The following HTRA4 variants were observed in gnomAD, a reference collection of about 807,000 sequenced individuals.
HTRA4 encodes serine protease HTRA4.
In HTRA4, 46 loss-of-function variants were observed where a neutral mutation model predicts 49.1. That is an observed-to-expected ratio of 0.94 (90% CI 0.74 to 1.20). The LOEUF (loss-of-function observed/expected upper bound fraction) is 1.20, where lower values mean the gene tolerates loss of function less well. HTRA4 is among the 50% of genes most tolerant of loss of function. HTRA4 has a pLI of 0.00. For missense variants in HTRA4, 602 were observed against 636.9 expected (o/e 0.95, Z 0.59); for synonymous variants, 261 against 264.0 (o/e 0.99, Z 0.11).
rs1312246823 is a variant in HTRA4 at position 38,974,512 on chromosome 8, G to T, written c.249G>T (p.Ala83=). Residue 83 remains alanine, a synonymous_variant, in exon 1 of 9, where the codon GCG becomes GCT. Coordinates refer to ENST00000302495, the MANE Select transcript of HTRA4 (RefSeq NM_153692.4). ...PAAEREVCGG[A]QGQPCAPGLQ... The stretch of plus-strand genomic sequence containing the variant: ...CCGAGCGTGAAGTCTGCGGCGGGGC[G>T]CAGGGCCAACCGTGCGCCCCGGGGC... The T allele has an allele frequency of 2.0e-5, 29 of 1,471,444 alleles. No homozygotes were observed. Among genetic ancestry groups the T allele is most frequent in the African/African-American group, 3.0e-5 (2 of 67,646 alleles). 91.1% of individuals were successfully genotyped at this position (1,471,444 alleles called of 1,614,324 possible).
chr8:38,978,689 C>T (rs1835382929), intron 4 of HTRA4, among the ~76,000 whole-genome samples: 2 of 152,104 alleles, frequency 1.3e-5, no homozygotes, highest in South Asian at 2.1e-4. Flanking sequence ...GAGGTCACCC[C>T]TCCTGTAAGA....
intron 5 of HTRA4, among the ~76,000 whole-genome samples, chr8:38,980,990 C>T (rs1198169997): frequency 6.7e-6 from 1 of 150,124 alleles, no homozygotes; most frequent in African/African-American, 2.5e-5. Flanking sequence ...TGTCCTTCTA[C>T]CTTTGTCAAA....
chr8:38,987,847 C>A, intron 8 of HTRA4, 89 bp from the exon 9 acceptor site: 1 of 1,152,634 alleles, frequency 8.7e-7, no homozygotes, highest in Non-Finnish European at 1.2e-6. Context: ...AAAATAGTGC[C>A]ATTAAGACAG....
intron 8 of HTRA4, among the ~76,000 whole-genome samples, 158 bp downstream of exon 8, chr8:38,983,206 G>A (rs1414258786): frequency 3.3e-5 from 5 of 152,192 alleles, no homozygotes; most frequent in Non-Finnish European, 7.3e-5. Context: ...GTGTGACTGA[G>A]GAACTGAATT....
chr8:38,977,397 A>G (rs1835366216), intron 3 of HTRA4, among the ~76,000 whole-genome samples: 1 of 152,076 alleles, frequency 6.6e-6, no homozygotes, highest in African/African-American at 2.4e-5. Flanking sequence ...TCCTTCCTAC[A>G]CATAGTACTG....
chr8:38,977,399 A>G (rs1180764823), intron 3 of HTRA4, among the ~76,000 whole-genome samples: 1 of 152,024 alleles, frequency 6.6e-6, no homozygotes, highest in Non-Finnish European at 1.5e-5. Context: ...CTTCCTACAC[A>G]TAGTACTGGT....
At chr8:38,986,385 C>T (rs556220678) in intron 8 of HTRA4, among the ~76,000 whole-genome samples, 63 of 152,214 alleles carry the variant, frequency 4.1e-4, no homozygotes, top group Non-Finnish European at 6.3e-4. Flanking sequence ...TGGGTTCAAG[C>T]GATTCTTCTG....
rs575744861 is a variant in HTRA4, at chr8:38,979,277, G to T, written c.999+30G>T. 4 of 1,601,072 alleles carry T rather than the reference G, an allele frequency of 2.5e-6. No individual in the cohort carries two copies. In the South Asian group the frequency reaches 4.4e-5, roughly 18 times the overall value. On this transcript the variant is annotated intron_variant, in intron 5 of 8. Coordinates refer to ENST00000302495, the MANE Select transcript of HTRA4 (RefSeq NM_153692.4). The stretch of plus-strand genomic sequence containing the variant: ...GTGATCACTTTCCTTGTTGCTTCAT[G>T]TTTCTTCTTAACTTTCAAAGACTTT...
chr8:38,980,741 A>G (rs544059473), intron 5 of HTRA4, among the ~76,000 whole-genome samples: 91 of 120,936 alleles, frequency 7.5e-4, no homozygotes, highest in African/African-American at 2.5e-3. Flanking sequence ...CCGTCTCAAA[A>G]AGAAAAGAAA....
intron 8 of HTRA4, among the ~76,000 whole-genome samples, chr8:38,986,300 GA>G (rs1286474661): frequency 2.0e-5 from 3 of 151,898 alleles, no homozygotes; most frequent in African/African-American, 4.8e-5. Flanking sequence ...TTATTTTTTT[GA>G]GACTGAGTTT....
intron 5 of HTRA4, among the ~76,000 whole-genome samples, chr8:38,981,063 GTTTTTTTTTTTTTTTTTTTT>G (rs71216700): frequency 1.2e-4 from 6 of 48,144 alleles, no homozygotes; most frequent in Non-Finnish European, 2.1e-4. Flanking sequence ...ATGAGCTTAA[GTTTTTTTTTTTTTTTTTTTT>G]TTTTTTTTTT....
At chr8:38,981,606 T>G in intron 5 of HTRA4, 47 bp from the exon 6 acceptor site, 1 of 1,339,074 alleles carries the variant, frequency 7.5e-7, no homozygotes, top group Non-Finnish European at 1.1e-6. Flanking sequence ...CTTGCACTCA[T>G]CAGTTTGCAA....
rs201852081 is a variant in HTRA4 at position 38,984,673 on chromosome 8, T to C, written c.1268+1625T>C. On this transcript the variant is annotated intron_variant, in intron 8 of 8. Coordinates refer to ENST00000302495, the MANE Select transcript of HTRA4 (RefSeq NM_153692.4). ...CTGAGGTCAGAGAATCGCTTGAACCTGGGCAGCAGAGGTTGCAGTGAGCTG... is the reference window on the plus strand; with the variant it reads ...CTGAGGTCAGAGAATCGCTTGAACCCGGGCAGCAGAGGTTGCAGTGAGCTG... 3.9e-5 allele frequency among the ~76,000 whole-genome samples: 6 copies of C among 152,142 alleles called. No individual in the cohort carries two copies. The East Asian group carries it at 1.2e-3, about 29-fold the overall frequency.
rs1216373399 is a variant in HTRA4, at chr8:38,981,067, T to TTTTTTG, written c.1000-581_1000-580insGTTTTT. 3.3e-3 allele frequency among the ~76,000 whole-genome samples: 137 copies of TTTTTTG among 41,586 alleles called. 7 individuals are homozygous for TTTTTTG. In the East Asian group the frequency reaches 0.035, roughly 11 times the overall value. 27.3% of individuals were successfully genotyped at this position (41,586 alleles called of 152,430 possible). A position where few individuals can be genotyped will look rare whatever the true frequency, so the allele number is the denominator to read the frequency against. Reference sequence around the variant, plus strand: ...AAAGGAAAAAAATGAGCTTAAGTTTTTTTTTTTTTTTTTTTTTTTTTTTTT... The same window carrying TTTTTTG: ...AAAGGAAAAAAATGAGCTTAAGTTTTTTTTTGTTTTTTTTTTTTTTTTTTTTTTTTT... On this transcript the variant is annotated intron_variant, in intron 5 of 8. Coordinates refer to ENST00000302495, the MANE Select transcript of HTRA4 (RefSeq NM_153692.4).
intron 5 of HTRA4, 100 bp downstream of exon 5, chr8:38,979,347 C>A: frequency 9.2e-7 from 1 of 1,087,470 alleles, no homozygotes; most frequent in Non-Finnish European, 1.4e-6. Context: ...GTAATCCCAG[C>A]ACATTTGGGA....
chr8:38,979,119 C>T (rs1588292088), intron 4 of HTRA4, 96 bp from the exon 5 acceptor site: 3 of 1,150,484 alleles, frequency 2.6e-6, no homozygotes, highest in East Asian at 4.7e-5. Context: ...GCTTGGTGGG[C>T]TGCTTTTGGT....
chr8:38,979,086 T>C, intron 4 of HTRA4, 129 bp from the exon 5 acceptor site: 1 of 802,666 alleles, frequency 1.2e-6, no homozygotes, highest in Non-Finnish European at 2.2e-6. Flanking sequence ...GGGCACAATT[T>C]TGCCGGCCTG....
chr8:38,976,462 C>T, intron 2 of HTRA4, 73 bp from the exon 3 acceptor site: 1 of 1,376,784 alleles, frequency 7.3e-7, no homozygotes, highest in Non-Finnish European at 1.0e-6. Context: ...GTGAGGTTCC[C>T]ATGACTCAGA....
At chr8:38,985,193 G>A (rs1485722698) in intron 8 of HTRA4, among the ~76,000 whole-genome samples, 9 of 133,492 alleles carry the variant, frequency 6.7e-5, no homozygotes, top group African/African-American at 2.2e-4. Context: ...ACGGAGTCTC[G>A]CTCTGTCACC....
Sources: allele counts gnomAD v4.1 joint callset (sites outside exome capture counted in the v4.1 genomes callset), GRCh38; gene constraint gnomAD v4.1.1; transcripts MANE v1.5; gene names NCBI Gene and HGNC (gene_info 2026-07-23, HGNC 2026-07-21).